Variants in AGBL4 observed in about 807,000 individuals in gnomAD.
The protein encoded by AGBL4 is AGBL carboxypeptidase 4.
AGBL4 carries 58 observed loss-of-function variants against 66.4 expected under a neutral mutation model. The ratio of observed to expected loss-of-function variants is 0.87; its 90% CI spans 0.71 to 1.09. The LOEUF (loss-of-function observed/expected upper bound fraction) is 1.09, where lower values mean the gene tolerates loss of function less well. AGBL4 is among the 50% of genes least tolerant of loss of function. The pLI is 0.00. For missense variants in AGBL4, 579 were observed against 631.0 expected, an observed-to-expected ratio of 0.92 and a Z score of 0.88; for synonymous variants, 234 against 222.9, an observed-to-expected ratio of 1.05 and a Z score of -0.44.
intron 6 of AGBL4, among the ~76,000 whole-genome samples, chr1:48,703,400 T>C (rs966212301): frequency 1.3e-5 from 2 of 152,004 alleles, no homozygotes; most frequent in Non-Finnish European, 2.9e-5. Context: ...TCTCAACGAA[T>C]GCAGAAAAAG....
intron 4 of AGBL4, among the ~76,000 whole-genome samples, chr1:49,170,753 C>T (rs1646724581): frequency 6.6e-6 from 1 of 150,940 alleles, no homozygotes; most frequent in Non-Finnish European, 1.5e-5. Flanking sequence ...AATATTAAAC[C>T]TTAAATAGTT....
intron 1 of AGBL4, among the ~76,000 whole-genome samples, chr1:49,948,566 T>TAGAGAG (rs1444813022): frequency 2.7e-4 from 13 of 48,230 alleles, no homozygotes; most frequent in Non-Finnish European, 5.9e-4. Context: ...TATATAAAAA[T>TAGAGAG]ATATATATAT....
chr1:49,577,325 G>A (rs1175282552), intron 3 of AGBL4, among the ~76,000 whole-genome samples: 2 of 152,182 alleles, frequency 1.3e-5, no homozygotes, highest in East Asian at 3.9e-4. Context: ...GGCCATGGTG[G>A]CAAGGATGGA....
chr1:48,698,016 G>A (rs1321228936), intron 6 of AGBL4, among the ~76,000 whole-genome samples: 1 of 152,226 alleles, frequency 6.6e-6, no homozygotes, highest in East Asian at 1.9e-4. Flanking sequence ...CTACTGTCAC[G>A]GAATGACTCC....
At chr1:48,617,632 G>A (rs1263935683) in intron 9 of AGBL4, among the ~76,000 whole-genome samples, 1 of 152,138 alleles carries the variant, frequency 6.6e-6, no homozygotes, top group Non-Finnish European at 1.5e-5. Flanking sequence ...CCTACCATAT[G>A]CCCATGGGGA....
At chr1:48,615,644 T>C (rs1645306442) in intron 9 of AGBL4, among the ~76,000 whole-genome samples, 2 of 152,180 alleles carry the variant, frequency 1.3e-5, no homozygotes, top group South Asian at 4.1e-4. Context: ...GTAAGATTGC[T>C]TTTCCTATTT....
chr1:49,715,145 G>A (rs1648002233), intron 2 of AGBL4, among the ~76,000 whole-genome samples: 1 of 152,042 alleles, frequency 6.6e-6, no homozygotes, highest in African/African-American at 2.4e-5. Flanking sequence ...GCTCTGGTGT[G>A]TGATGTTCCC....
intron 5 of AGBL4, among the ~76,000 whole-genome samples, chr1:48,867,707 A>C (rs529909722): frequency 6.6e-6 from 1 of 152,160 alleles, no homozygotes; most frequent in African/African-American, 2.4e-5. Context: ...TTTAACCAAG[A>C]TATTTCTAGA....
intron 3 of AGBL4, among the ~76,000 whole-genome samples, chr1:49,578,029 G>T (rs1038124713): frequency 6.6e-6 from 1 of 152,276 alleles, no homozygotes; most frequent in Non-Finnish European, 1.5e-5. Context: ...GTGACCTTAT[G>T]TTCTGCTGGC....
intron 1 of AGBL4, among the ~76,000 whole-genome samples, chr1:49,925,664 C>T (rs932012122): frequency 1.3e-5 from 2 of 152,070 alleles, no homozygotes; most frequent in Non-Finnish European, 2.9e-5. Flanking sequence ...AAACATGAGC[C>T]CTACACCTGG....
At chr1:49,773,259 G>A (rs1003724101) in intron 2 of AGBL4, among the ~76,000 whole-genome samples, 1 of 151,972 alleles carries the variant, frequency 6.6e-6, no homozygotes, top group Non-Finnish European at 1.5e-5. Flanking sequence ...TGACTTGTTT[G>A]TCCTTATCGT....
chr1:49,032,331 A>T (rs1664300949), intron 5 of AGBL4, among the ~76,000 whole-genome samples: 3 of 152,184 alleles, frequency 2.0e-5, no homozygotes. Context: ...TAGAAAAGAC[A>T]AGTATGGATC....
At chr1:49,307,250 T>C (rs1644863843) in intron 3 of AGBL4, among the ~76,000 whole-genome samples, 1 of 152,110 alleles carries the variant, frequency 6.6e-6, no homozygotes. Context: ...TCCTATTCAA[T>C]ACCCTGGCCC....
At chr1:49,712,974 A>C (rs984010858) in intron 2 of AGBL4, among the ~76,000 whole-genome samples, 4 of 152,066 alleles carry the variant, frequency 2.6e-5, no homozygotes, top group Non-Finnish European at 5.9e-5. Context: ...AACTATTAGT[A>C]GTAGCATACA....
intron 3 of AGBL4, among the ~76,000 whole-genome samples, chr1:49,356,203 T>C (rs1017561679): frequency 1.2e-4 from 18 of 152,232 alleles, no homozygotes; most frequent in Non-Finnish European, 2.9e-5. Flanking sequence ...TATATCACTA[T>C]GTTTCAGAAA....
chr1:48,785,191 A>T (rs1645381931), intron 6 of AGBL4, among the ~76,000 whole-genome samples: 3 of 152,124 alleles, frequency 2.0e-5, no homozygotes, highest in Admixed American at 2.0e-4. Flanking sequence ...CATGGAGTGT[A>T]TCTTAGTATG....
chr1:48,839,860 C>T (rs1021765491), intron 6 of AGBL4, among the ~76,000 whole-genome samples: 1 of 152,058 alleles, frequency 6.6e-6, no homozygotes, highest in South Asian at 2.1e-4. Flanking sequence ...CACTTAATTG[C>T]GTGTGTATCA....
At chr1:48,667,892 G>A (rs1646213552) in intron 6 of AGBL4, among the ~76,000 whole-genome samples, 1 of 152,116 alleles carries the variant, frequency 6.6e-6, no homozygotes, top group African/African-American at 2.4e-5. Context: ...TGTCAGTTTT[G>A]TTTCCCCATT....
intron 3 of AGBL4, among the ~76,000 whole-genome samples, chr1:49,343,145 G>A (rs1375874864): frequency 2.6e-5 from 4 of 151,180 alleles, no homozygotes; most frequent in South Asian, 4.2e-4. Context: ...TATTTCCCCC[G>A]TCTATCTTCT....
Sources: gnomAD v4.1 joint callset for allele counts (sites outside exome capture counted in the v4.1 genomes callset) on GRCh38, gnomAD v4.1.1 for gene constraint, MANE v1.5 for transcripts, NCBI Gene and HGNC (gene_info 2026-07-23, HGNC 2026-07-21) for gene names.